CACNA1E: variants seen among roughly 807,000 people sequenced by gnomAD.
CACNA1E encodes the protein voltage-dependent R-type calcium channel subunit alpha-1E.
CACNA1E carries 40 observed loss-of-function variants against 259.2 expected under a neutral mutation model. The ratio of observed to expected loss-of-function variants is 0.15; its 90% confidence interval spans 0.12 to 0.20. The LOEUF (loss-of-function observed/expected upper bound fraction) is 0.20, where lower values mean the gene tolerates loss of function less well. Ranked by LOEUF, CACNA1E falls within the 10% of genes least tolerant of loss-of-function variation. The pLI is 1.00. For synonymous variants in CACNA1E, 1,104 were observed against 1,138.5 expected (o/e 0.97, Z 0.61); for missense variants, 1,874 against 3,040.1 (o/e 0.62, Z 9.02).
chr1:181,690,749 G>A (rs1170348202), intron 7 of CACNA1E, among the ~76,000 whole-genome samples: 4 of 152,106 alleles, frequency 2.6e-5, no homozygotes, highest in Non-Finnish European at 5.9e-5. Flanking sequence ...TTGTGAATGG[G>A]AGGTCACTCA....
chr1:181,384,653 C>G (rs1308787221), intron 1 of CACNA1E, among the ~76,000 whole-genome samples: 1 of 152,174 alleles, frequency 6.6e-6, no homozygotes, highest in Non-Finnish European at 1.5e-5. Flanking sequence ...TCTGCTCTCT[C>G]TCTGCACCCT....
rs1665464686 is a variant in CACNA1E, at chr1:181,503,711, T to G, written c.267-6766T>G. Among the ~76,000 whole-genome samples the G allele has an allele frequency of 2.6e-5, 4 of 152,206 alleles. No individual in the cohort carries two copies. In the South Asian group the frequency reaches 8.3e-4, roughly 32 times the overall value. Reference sequence around the variant, plus strand: ...CTGTATTTGTGCAACACTTTACAGTTTTCAGAGGGAGTTCAGATTCCGGTA... The same window carrying G: ...CTGTATTTGTGCAACACTTTACAGTGTTCAGAGGGAGTTCAGATTCCGGTA... On this transcript the variant is annotated intron_variant, in intron 1 of 47. Coordinates refer to ENST00000367573, the MANE Select transcript of CACNA1E (RefSeq NM_001205293.3).
Position 181,583,103 on chromosome 1 carries a change from TACAC to T in CACNA1E, c.951+2366_951+2369del, listed in dbSNP as rs34193608. Among the ~76,000 whole-genome samples, 1,145 of 145,078 alleles carry T rather than the reference TACAC, an allele frequency of 7.9e-3. 8 individuals are homozygous for T. Among genetic ancestry groups the T allele is most frequent in the South Asian group, 0.02 (90 of 4,394 alleles). On this transcript the variant is annotated intron_variant, in intron 6 of 47. Transcript: ENST00000367573. ...GTCTGCTACCTGTTTGGACTGTTCC[TACAC>T]ACACACACACACACACACACACACA...
rs1294501179 is a variant in CACNA1E, at chr1:181,755,895, G to A, written c.3990-61G>A. ...ATTATTGCGGCCTGTAGAATGTGCTGACTCTTCTGTAGAATGAGCTATAGT... is the reference window on the plus strand; with the variant it reads ...ATTATTGCGGCCTGTAGAATGTGCTAACTCTTCTGTAGAATGAGCTATAGT... On this transcript the variant is annotated intron_variant, in intron 28 of 47. Coordinates refer to ENST00000367573, the MANE Select transcript of CACNA1E (RefSeq NM_001205293.3). 5.2e-6 allele frequency: 8 copies of A among 1,544,008 alleles called. No individual in the cohort carries two copies. The East Asian group carries it at 1.8e-4, about 35-fold the overall frequency.
At chr1:181,347,788 T>A (rs1040286922) in intron 1 of CACNA1E, among the ~76,000 whole-genome samples, 1 of 152,254 alleles carries the variant, frequency 6.6e-6, no homozygotes, top group African/African-American at 2.4e-5. Context: ...GATAGCCCCT[T>A]CACCACGAGG....
At chr1:181,786,512 G>A (rs140899626) in intron 43 of CACNA1E, among the ~76,000 whole-genome samples, 20 of 151,344 alleles carry the variant, frequency 1.3e-4, no homozygotes, top group African/African-American at 4.8e-4. Flanking sequence ...ATTCAGAAAG[G>A]GAACTTACTT....
At chr1:181,750,273 C>T (rs1657472809) in intron 25 of CACNA1E, among the ~76,000 whole-genome samples, 1 of 152,254 alleles carries the variant, frequency 6.6e-6, no homozygotes, top group Non-Finnish European at 1.5e-5. Flanking sequence ...GCTGGCCCTT[C>T]CTTTCACAAA....
chr1:181,750,479 C>T lies in CACNA1E; in HGVS notation c.3723C>T (p.Asn1241=), dbSNP rs762242384. The T allele has an allele frequency of 8.9e-5, 144 of 1,612,934 alleles. No homozygotes were observed. The highest frequency in any genetic ancestry group is 4.2e-4 in the Admixed American group (25 of 60,016). The stretch of plus-strand genomic sequence containing the variant: ...TCTCTGATTGGATCCTCCATAGGAA[C>T]GCTTTGGGGTAAATATGTTCGATTA... ...VGALVAFALA[N]ALGTNKGRDI... The change falls in exon 26 of 48, where the codon AAC becomes AAT. Residue 1241 remains asparagine (N), a synonymous_variant. Coordinates refer to ENST00000367573, the MANE Select transcript of CACNA1E (RefSeq NM_001205293.3).
chr1:181,574,831 C>T (rs1650792041), intron 3 of CACNA1E, among the ~76,000 whole-genome samples: 1 of 152,102 alleles, frequency 6.6e-6, no homozygotes, highest in Non-Finnish European at 1.5e-5. Flanking sequence ...TCGAGACCAG[C>T]CTGGACAGCA....
chr1:181,554,174 T>A (rs1307043112), intron 3 of CACNA1E, among the ~76,000 whole-genome samples: 1 of 152,094 alleles, frequency 6.6e-6, no homozygotes, highest in African/African-American at 2.4e-5. Flanking sequence ...GCCCAGCTAA[T>A]TTTTTTAGTT....
intron 1 of CACNA1E, among the ~76,000 whole-genome samples, chr1:181,320,340 A>T (rs1650243494): frequency 6.6e-6 from 1 of 152,166 alleles, no homozygotes. Context: ...TGAGGGAGTG[A>T]TGAGGACTCT....
At chr1:181,620,532 G>A (rs1259216388) in intron 6 of CACNA1E, among the ~76,000 whole-genome samples, 3 of 152,306 alleles carry the variant, frequency 2.0e-5, no homozygotes, top group African/African-American at 4.8e-5. Flanking sequence ...GAAACCCTGA[G>A]AACACAGCTG....
At chr1:181,673,056 T>C (rs528496864) in intron 7 of CACNA1E, among the ~76,000 whole-genome samples, 2 of 152,188 alleles carry the variant, frequency 1.3e-5, no homozygotes, top group South Asian at 2.1e-4. Context: ...GCCAAAGAGT[T>C]ATGTGTTAAT....
At position 181,325,963 on chromosome 1, in the gene CACNA1E, C is replaced by T. The variant is rs538413272; in HGVS notation, c.-15+7840C>T. On this transcript the variant is annotated intron_variant, in intron 1 of 11. Coordinates refer to the CACNA1E transcript ENST00000524607. Reference sequence around the variant, plus strand: ...CAGGCTCTTGCGGCTCCCAACTAGACGGCCTTGCACTCCGCGTGCACTGGC... The same window carrying T: ...CAGGCTCTTGCGGCTCCCAACTAGATGGCCTTGCACTCCGCGTGCACTGGC... 5.3e-5 allele frequency among the ~76,000 whole-genome samples: 8 copies of T among 152,326 alleles called. No homozygotes were observed. In the South Asian group the frequency reaches 1.0e-3, roughly 20 times the overall value.
In CACNA1E at chr1:181,791,430, G is replaced by A. The variant is rs143485702; in HGVS notation, c.5898+874G>A. Among the ~76,000 whole-genome samples, 1,076 of 152,292 alleles carry A rather than the reference G, an allele frequency of 7.1e-3. 8 individuals carry two copies. The highest frequency in any genetic ancestry group is 0.024 in the African/African-American group (1,004 of 41,566). ...GGAGCTTGCAATGAGCCGAGATGGCGCTGCTGCACTCCAGCCTGGGTGACA... is the reference window on the plus strand; with the variant it reads ...GGAGCTTGCAATGAGCCGAGATGGCACTGCTGCACTCCAGCCTGGGTGACA... On this transcript the variant is annotated intron_variant, in intron 44 of 47. Coordinates refer to ENST00000367573, the MANE Select transcript of CACNA1E (RefSeq NM_001205293.3).
At chr1:181,539,190 C>T (rs6681017) in intron 3 of CACNA1E, among the ~76,000 whole-genome samples, 35,196 of 152,082 alleles carry the variant, frequency 0.23, 4,526 homozygotes, top group African/African-American at 0.33. Context: ...TTCTATTTTC[C>T]GTTACTCGTT....
chr1:181,410,528 G>C (rs887650154), intron 1 of CACNA1E, among the ~76,000 whole-genome samples: 2 of 152,204 alleles, frequency 1.3e-5, no homozygotes, highest in African/African-American at 4.8e-5. Context: ...GGGCGTCCGA[G>C]TCTACTGAAT....
intron 2 of CACNA1E, among the ~76,000 whole-genome samples, chr1:181,431,182 A>C (rs1043341693): frequency 6.6e-6 from 1 of 152,216 alleles, no homozygotes; most frequent in African/African-American, 2.4e-5. Context: ...CTTTAAAGTA[A>C]ATTTCAATAG....
chr1:181,538,934 C>T (rs546213255), intron 3 of CACNA1E, among the ~76,000 whole-genome samples: 1 of 152,318 alleles, frequency 6.6e-6, no homozygotes, highest in East Asian at 1.9e-4. Flanking sequence ...CAATTCTTTG[C>T]CTAAAGGCTT....
Sources: allele counts gnomAD v4.1 joint callset (sites outside exome capture counted in the v4.1 genomes callset), GRCh38; gene constraint gnomAD v4.1.1; transcripts MANE v1.5; gene names NCBI Gene and HGNC (gene_info 2026-07-23, HGNC 2026-07-21).